IL1RAPL1: variants seen among roughly 807,000 people sequenced by gnomAD.
IL1RAPL1 encodes the protein interleukin 1 receptor accessory protein like 1, also known as interleukin-1 receptor accessory protein-like 1.
A neutral mutation model predicts 48.4 loss-of-function variants in IL1RAPL1; 3 were observed. The ratio of observed to expected loss-of-function variants is 0.06; its 90% CI spans 0.03 to 0.16. IL1RAPL1 has a LOEUF of 0.16. Ranked by LOEUF, IL1RAPL1 falls within the 10% of genes least tolerant of loss-of-function variation. The pLI, the probability that IL1RAPL1 is intolerant of heterozygous loss-of-function variation, is 1.00. For synonymous variants in IL1RAPL1, 185 were observed against 187.7 expected, an observed-to-expected ratio of 0.99 and a Z score of 0.12; for missense variants, 349 against 530.6, an observed-to-expected ratio of 0.66 and a Z score of 3.36.
At chrX:28,712,433 T>G (rs1163847316) in intron 1 of IL1RAPL1, among the ~76,000 whole-genome samples, 4 of 111,209 alleles carry the variant, frequency 3.6e-5, no homozygotes, top group Non-Finnish European at 5.7e-5. Flanking sequence ...CAACCTGTGA[T>G]GGACATACAG....
At chrX:29,865,723 A>C (rs1197707036) in intron 6 of IL1RAPL1, among the ~76,000 whole-genome samples, 2 of 92,736 alleles carry the variant, frequency 2.2e-5, no homozygotes, top group South Asian at 5.4e-4. Context: ...TGCAACCTGC[A>C]CCTCCCACAT....
intron 5 of IL1RAPL1, among the ~76,000 whole-genome samples, chrX:29,522,322 GA>G (rs1198745037): frequency 9.1e-6 from 1 of 110,079 alleles, no homozygotes; most frequent in Non-Finnish European, 1.9e-5. Context: ...ACCACACTTG[GA>G]AAAAATTTTA....
chrX:28,820,930 T>C (rs186367119), intron 2 of IL1RAPL1, among the ~76,000 whole-genome samples: 1 of 111,324 alleles, frequency 9.0e-6, no homozygotes, highest in Admixed American at 9.6e-5. Flanking sequence ...GGAAAGGAGT[T>C]ACAGAAAATG....
chrX:29,848,666 T>C (rs1483453547), intron 6 of IL1RAPL1, among the ~76,000 whole-genome samples: 1 of 111,521 alleles, frequency 9.0e-6, no homozygotes, highest in Admixed American at 9.5e-5. Context: ...AGCAATCAAG[T>C]GTGATAGAAA....
intron 2 of IL1RAPL1, among the ~76,000 whole-genome samples, chrX:29,113,068 C>T (rs758168230): frequency 3.6e-5 from 4 of 111,538 alleles, no homozygotes; most frequent in Non-Finnish European, 7.5e-5. Flanking sequence ...ACCTCGGCCT[C>T]CCAAAGTGCT....
chrX:29,160,640 C>T (rs1429399963), intron 2 of IL1RAPL1, among the ~76,000 whole-genome samples: 1 of 112,185 alleles, frequency 8.9e-6, no homozygotes, highest in Non-Finnish European at 1.9e-5. Flanking sequence ...AATGGAGTAC[C>T]TACTAAGTGC....
intron 6 of IL1RAPL1, among the ~76,000 whole-genome samples, chrX:29,802,789 G>GTA (rs1374355658): frequency 4.4e-3 from 115 of 26,120 alleles, no homozygotes; most frequent in East Asian, 0.025. Flanking sequence ...ATATGTGTGT[G>GTA]TGTATATATA....
At chrX:29,620,746 CAAATA>C (rs1183932891) in intron 5 of IL1RAPL1, among the ~76,000 whole-genome samples, 1 of 111,543 alleles carries the variant, frequency 9.0e-6, no homozygotes, top group Non-Finnish European at 1.9e-5. Flanking sequence ...TTTAAGAAGA[CAAATA>C]AAAATGCCTG....
chrX:29,848,554 A>T (rs1262064812), intron 6 of IL1RAPL1, among the ~76,000 whole-genome samples: 1 of 111,849 alleles, frequency 8.9e-6, no homozygotes, highest in East Asian at 2.8e-4. Flanking sequence ...GCAGGTGATA[A>T]GGACTTTCTA....
intron 2 of IL1RAPL1, among the ~76,000 whole-genome samples, chrX:28,834,829 CT>C (rs1442472952): frequency 9.0e-6 from 1 of 111,461 alleles, no homozygotes; most frequent in Non-Finnish European, 1.9e-5. Context: ...AAATCTAGTT[CT>C]TACACTGTCA....
intron 1 of IL1RAPL1, among the ~76,000 whole-genome samples, chrX:28,732,272 T>G (rs762565899): frequency 2.8e-4 from 31 of 112,022 alleles, no homozygotes; most frequent in Non-Finnish European, 5.6e-4. Flanking sequence ...TTTTTAAACA[T>G]TTTTTTAGCA....
chrX:29,063,065 A>G (rs965470101), intron 2 of IL1RAPL1, among the ~76,000 whole-genome samples: 3 of 111,206 alleles, frequency 2.7e-5, no homozygotes, highest in Admixed American at 9.6e-5. Context: ...ATTTTTCTTC[A>G]TAAGTGGAGA....
At chrX:29,815,719 C>T (rs1175461517) in intron 6 of IL1RAPL1, among the ~76,000 whole-genome samples, 1 of 110,869 alleles carries the variant, frequency 9.0e-6, no homozygotes, top group Non-Finnish European at 1.9e-5. Context: ...GTGGGTTTGT[C>T]ATAGATGGCT....
chrX:28,599,006 G>A (rs911313644), intron 1 of IL1RAPL1, among the ~76,000 whole-genome samples: 2 of 109,415 alleles, frequency 1.8e-5, no homozygotes, highest in African/African-American at 6.6e-5. Context: ...TTGGGAGGCC[G>A]AGGCAAGGGA....
intron 6 of IL1RAPL1, among the ~76,000 whole-genome samples, chrX:29,807,619 G>T (rs759934738): frequency 2.1e-3 from 1 of 467 alleles, no homozygotes; most frequent in Non-Finnish European, 4.9e-3. Flanking sequence ...TGTCTCTCAA[G>T]ACAAAAAAAA....
intron 2 of IL1RAPL1, among the ~76,000 whole-genome samples, chrX:29,180,469 C>T (rs1426376463): frequency 6.4e-5 from 7 of 109,374 alleles, no homozygotes; most frequent in Admixed American, 3.0e-4. Flanking sequence ...CTCCACCTCC[C>T]GGGTTCAAGC....
At chrX:29,062,961 C>G (rs1304005340) in intron 2 of IL1RAPL1, among the ~76,000 whole-genome samples, 1 of 111,745 alleles carries the variant, frequency 8.9e-6, no homozygotes, top group African/African-American at 3.2e-5. Flanking sequence ...CTATAGGCAA[C>G]TTCTATTGTT....
intron 6 of IL1RAPL1, among the ~76,000 whole-genome samples, chrX:29,775,631 G>A (rs1247287639): frequency 9.0e-6 from 1 of 111,160 alleles, no homozygotes; most frequent in Non-Finnish European, 1.9e-5. Flanking sequence ...CACAGAATGA[G>A]ACCTCATGAT....
At chrX:29,901,215 C>G (rs1932489698) in intron 6 of IL1RAPL1, among the ~76,000 whole-genome samples, 1 of 111,933 alleles carries the variant, frequency 8.9e-6, no homozygotes. Context: ...GTCTCAGGCA[C>G]ATGGCCACAT....
Sources: allele counts gnomAD v4.1 joint callset (sites outside exome capture counted in the v4.1 genomes callset), GRCh38; gene constraint gnomAD v4.1.1; transcripts MANE v1.5; gene names NCBI Gene and HGNC (gene_info 2026-07-23, HGNC 2026-07-21).